MAGI1: variants seen among roughly 807,000 people sequenced by gnomAD.
MAGI1 encodes the protein membrane-associated guanylate kinase, WW and PDZ domain-containing protein 1.
In MAGI1, 58 loss-of-function variants were observed where a neutral mutation model predicts 139.9. The ratio of observed to expected loss-of-function variants is 0.41; its 90% CI spans 0.34 to 0.52. MAGI1 has a LOEUF of 0.52. Among genes scored for constraint, MAGI1 ranks in the 20% least tolerant of loss-of-function variants. The probability of loss-of-function intolerance (pLI) is 0.12; values close to 1 mark genes in which losing one functional copy is unlikely to be tolerated. For synonymous variants in MAGI1, 812 were observed against 737.9 expected, an observed-to-expected ratio of 1.10 and a Z score of -1.63; for missense variants, 1,874 against 1,901.6, an observed-to-expected ratio of 0.99 and a Z score of 0.27.
chr3:65,793,801 A>T (rs1268166053), intron 1 of MAGI1, among the ~76,000 whole-genome samples: 4 of 152,226 alleles, frequency 2.6e-5, no homozygotes, highest in Non-Finnish European at 5.9e-5. Flanking sequence ...TAAGGAATAG[A>T]TCAAGAAAAT....
At chr3:65,433,870 G>A (rs780179927) in intron 10 of MAGI1, among the ~76,000 whole-genome samples, 3 of 152,022 alleles carry the variant, frequency 2.0e-5, no homozygotes, top group Non-Finnish European at 4.4e-5. Context: ...GGCACTTTCC[G>A]TGATGATGGA....
chr3:65,954,307 G>A (rs2064006734), intron 1 of MAGI1: 1 of 152,348 alleles, frequency 6.6e-6, no homozygotes, highest in South Asian at 2.1e-4. Context: ...GTTTTTTTCA[G>A]AAGCTATTTT....
intron 1 of MAGI1, among the ~76,000 whole-genome samples, chr3:65,857,473 G>A (rs925329647): frequency 6.6e-5 from 10 of 152,150 alleles, no homozygotes; most frequent in African/African-American, 2.4e-4. Flanking sequence ...TCCAGCCAGG[G>A]CAGCTATCAT....
intron 1 of MAGI1, among the ~76,000 whole-genome samples, chr3:65,996,860 A>G (rs2066477248): frequency 6.6e-6 from 1 of 152,236 alleles, no homozygotes; most frequent in Non-Finnish European, 1.5e-5. Flanking sequence ...AAGATAAAAG[A>G]TTAAGTCATC....
intron 1 of MAGI1, among the ~76,000 whole-genome samples, chr3:65,835,064 T>C (rs187086625): frequency 1.1e-4 from 17 of 152,336 alleles, no homozygotes; most frequent in African/African-American, 3.6e-4. Flanking sequence ...CTGATGTTCT[T>C]AGAGCATTTG....
At chr3:65,401,246 T>C (rs947243161) in intron 13 of MAGI1, among the ~76,000 whole-genome samples, 193 bp downstream of exon 13, 3 of 152,118 alleles carry the variant, frequency 2.0e-5, no homozygotes, top group African/African-American at 7.2e-5. Context: ...ACTATACAGT[T>C]AAAGACAAGC....
chr3:65,880,659 G>A (rs1004566970), intron 1 of MAGI1, among the ~76,000 whole-genome samples: 1 of 151,874 alleles, frequency 6.6e-6, no homozygotes, highest in Non-Finnish European at 1.5e-5. Flanking sequence ...GATAATAAAC[G>A]GCTGACAACT....
intron 2 of MAGI1, among the ~76,000 whole-genome samples, chr3:65,563,938 G>A (rs906514033): frequency 1.3e-5 from 2 of 152,130 alleles, no homozygotes; most frequent in Admixed American, 6.5e-5. Context: ...ATTTACTGAA[G>A]TAGATAATGG....
chr3:65,923,732 T>C (rs1028440409), intron 1 of MAGI1, among the ~76,000 whole-genome samples: 16 of 151,984 alleles, frequency 1.1e-4, no homozygotes, highest in Non-Finnish European at 1.0e-4. Context: ...AGAGATAAGG[T>C]TGGCCAATCA....
At chr3:65,510,225 G>C (rs925457451) in intron 2 of MAGI1, among the ~76,000 whole-genome samples, 1 of 152,188 alleles carries the variant, frequency 6.6e-6, no homozygotes, top group African/African-American at 2.4e-5. Flanking sequence ...AGAAAAACTG[G>C]AAACTGTAAA....
intron 1 of MAGI1, among the ~76,000 whole-genome samples, chr3:65,904,749 C>A (rs72905064): frequency 6.6e-6 from 1 of 152,338 alleles, no homozygotes; most frequent in East Asian, 1.9e-4. Flanking sequence ...TTGTTTACAG[C>A]CTGCCTCCCT....
chr3:65,913,909 C>T (rs990331184), intron 1 of MAGI1, among the ~76,000 whole-genome samples: 2 of 152,078 alleles, frequency 1.3e-5, no homozygotes, highest in Non-Finnish European at 2.9e-5. Flanking sequence ...TTCTAACACT[C>T]CTGAATATTC....
intron 1 of MAGI1, among the ~76,000 whole-genome samples, chr3:65,678,166 C>T (rs1011790451): frequency 1.3e-5 from 2 of 151,888 alleles, no homozygotes; most frequent in South Asian, 2.1e-4. Flanking sequence ...CACCAGGGAC[C>T]GTCAGAGGAT....
chr3:65,454,557 A>ATAAT lies in MAGI1; in HGVS notation c.960-1218_960-1217insATTA, dbSNP rs5849671. Among the ~76,000 whole-genome samples, 56 of 143,250 alleles carry ATAAT rather than the reference A, an allele frequency of 3.9e-4. 2 individuals carry two copies. The highest frequency in any genetic ancestry group is 1.4e-3 in the African/African-American group (52 of 37,468). 94.0% of individuals were successfully genotyped at this position (143,250 alleles called of 152,430 possible). A position where few individuals can be genotyped will look rare whatever the true frequency, so the allele number is the denominator to read the frequency against. ...AATAATAATAATAATAATAATAATA[A>ATAAT]AAAAATACTTGTTTTACAAAAAAAA... On this transcript the variant is annotated intron_variant, in intron 5 of 22. Transcript: ENST00000402939.
At chr3:65,632,492 C>T (rs1052480916) in intron 1 of MAGI1, among the ~76,000 whole-genome samples, 3 of 152,134 alleles carry the variant, frequency 2.0e-5, no homozygotes, top group East Asian at 1.9e-4. Context: ...AAAACAAAAA[C>T]TCTCACATCT....
rs372297546 is a variant in MAGI1 at position 65,801,315 on chromosome 3, A to G, written c.314-179227T>C. 7.2e-5 allele frequency among the ~76,000 whole-genome samples: 11 copies of G among 152,256 alleles called. No individual in the cohort carries two copies. In the East Asian group the frequency reaches 1.7e-3, roughly 24 times the overall value. On this transcript the variant is annotated intron_variant, in intron 1 of 22. Transcript: ENST00000402939. ...TTTTGAGATCTAATACAGAGCATCC[A>G]AAGGAAAGGTCTGATGAGGGAAAGA... is the stretch of plus-strand genomic sequence containing the variant.
At chr3:65,771,965 G>A (rs2037987649) in intron 1 of MAGI1, among the ~76,000 whole-genome samples, 1 of 152,204 alleles carries the variant, frequency 6.6e-6, no homozygotes. Context: ...CACTTTGGGA[G>A]GCCGAGGCGG....
intron 12 of MAGI1, among the ~76,000 whole-genome samples, chr3:65,428,978 G>A (rs1186203686): frequency 5.3e-5 from 8 of 152,110 alleles, no homozygotes; most frequent in Non-Finnish European, 1.2e-4. Flanking sequence ...CATTAAAGGA[G>A]CTCCATAAAA....
At chr3:65,599,757 C>T (rs1255666341) in intron 2 of MAGI1, among the ~76,000 whole-genome samples, 1 of 152,128 alleles carries the variant, frequency 6.6e-6, no homozygotes, top group African/African-American at 2.4e-5. Flanking sequence ...CTGAGGGGAC[C>T]TGCAAAATGG....
Sources: allele counts gnomAD v4.1 joint callset (sites outside exome capture counted in the v4.1 genomes callset), GRCh38; gene constraint gnomAD v4.1.1; transcripts MANE v1.5; gene names NCBI Gene and HGNC (gene_info 2026-07-23, HGNC 2026-07-21).